Variants in PDE1C observed in about 807,000 individuals in gnomAD.
The protein encoded by PDE1C is dual specificity calcium/calmodulin-dependent 3',5'-cyclic nucleotide phosphodiesterase 1C.
Under a neutral mutation model 93.1 loss-of-function variants are expected in PDE1C, and 62 were observed. The ratio of observed to expected loss-of-function variants is 0.67; its 90% CI spans 0.54 to 0.82. PDE1C has a LOEUF of 0.82. Ranked by LOEUF, PDE1C falls within the 40% of genes least tolerant of loss-of-function variation. PDE1C has a pLI of 0.00. For missense variants in PDE1C, 742 were observed against 884.6 expected, an observed-to-expected ratio of 0.84 and a Z score of 2.04; for synonymous variants, 325 against 310.1, an observed-to-expected ratio of 1.05 and a Z score of -0.50.
intron 2 of PDE1C, among the ~76,000 whole-genome samples, chr7:31,907,788 C>T (rs1049407045): frequency 1.3e-5 from 2 of 152,030 alleles, no homozygotes; most frequent in African/African-American, 4.8e-5. Flanking sequence ...GAGTTAACTT[C>T]TCTGTGCAGA....
At chr7:32,244,400 G>A (rs962721074) in intron 1 of PDE1C, among the ~76,000 whole-genome samples, 1 of 152,172 alleles carries the variant, frequency 6.6e-6, no homozygotes, top group African/African-American at 2.4e-5. Context: ...AGCACTCTCA[G>A]TATTCCAGAA....
chr7:31,626,167 T>C, the PDE1C span, among the ~76,000 whole-genome samples: 22 of 152,346 alleles, frequency 1.4e-4, 2 homozygotes, highest in South Asian at 4.6e-3. Context: ...TGTGACTATG[T>C]GTATGCATCT....
At chr7:31,957,781 C>CGGGA (rs947466275) in intron 2 of PDE1C, among the ~76,000 whole-genome samples, 1 of 151,904 alleles carries the variant, frequency 6.6e-6, no homozygotes, top group Non-Finnish European at 1.5e-5. Flanking sequence ...GGAATGGGGT[C>CGGGA]GGGAGGGTGT....
intron 2 of PDE1C, among the ~76,000 whole-genome samples, chr7:32,181,205 T>G (rs997859499): frequency 4.6e-5 from 7 of 152,056 alleles, no homozygotes; most frequent in African/African-American, 1.7e-4. Context: ...AACGGGAGAC[T>G]TTAACACCCC....
At chr7:31,925,805 C>A (rs1256735001) in intron 2 of PDE1C, among the ~76,000 whole-genome samples, 1 of 151,932 alleles carries the variant, frequency 6.6e-6, no homozygotes, top group Non-Finnish European at 1.5e-5. Flanking sequence ...CCTAATTTTC[C>A]CCAATTTTAA....
intron 1 of PDE1C, among the ~76,000 whole-genome samples, chr7:32,311,248 G>T (rs1042440347): frequency 2.6e-5 from 4 of 152,220 alleles, no homozygotes; most frequent in African/African-American, 9.6e-5. Flanking sequence ...CTCTGAAATT[G>T]TGGCAATAAT....
At chr7:32,408,447 G>C (rs1403369475) in intron 1 of PDE1C, among the ~76,000 whole-genome samples, 1 of 152,208 alleles carries the variant, frequency 6.6e-6, no homozygotes, top group Non-Finnish European at 1.5e-5. Context: ...TAAATATCTG[G>C]TGGTGGAGCT....
At chr7:32,413,846 A>G (rs1785220985) in intron 1 of PDE1C, among the ~76,000 whole-genome samples, 1 of 152,246 alleles carries the variant, frequency 6.6e-6, no homozygotes, top group African/African-American at 2.4e-5. Flanking sequence ...ACTATGTCTC[A>G]GAATCCAGGG....
At chr7:31,748,307 C>G (rs1794048520), downstream of PDE1C, among the ~76,000 whole-genome samples, 1 of 152,024 alleles carries the variant, frequency 6.6e-6, no homozygotes, top group Non-Finnish European at 1.5e-5. Context: ...CTTTCTTTAC[C>G]TAGTGAGTCA....
chr7:31,985,701 C>T (rs900482139), intron 2 of PDE1C, among the ~76,000 whole-genome samples: 2 of 151,918 alleles, frequency 1.3e-5, no homozygotes, highest in Admixed American at 6.6e-5. Context: ...GATAGTTTGC[C>T]GAGAATGATG....
chr7:31,819,976 G>A (rs951827911), intron 14 of PDE1C, among the ~76,000 whole-genome samples: 1 of 152,106 alleles, frequency 6.6e-6, no homozygotes, highest in Non-Finnish European at 1.5e-5. Flanking sequence ...AGACATTTAA[G>A]AACATAGAAG....
chr7:31,830,062 G>A (rs995562291), intron 11 of PDE1C, among the ~76,000 whole-genome samples: 14 of 151,908 alleles, frequency 9.2e-5, no homozygotes, highest in East Asian at 3.9e-4. Flanking sequence ...CTAATTCCAC[G>A]AACTTGTCTA....
At chr7:31,808,081 A>T in intron 16 of PDE1C, among the ~76,000 whole-genome samples, 1 of 152,068 alleles carries the variant, frequency 6.6e-6, no homozygotes, top group Non-Finnish European at 1.5e-5. Context: ...TTAGGGCTGA[A>T]AGCTAAAGGG....
exon 1 of PDE1C, chr7:32,299,035 C>A: frequency 4.2e-6 from 5 of 1,191,626 alleles, no homozygotes; most frequent in Non-Finnish European, 5.2e-6. Flanking sequence ...CGCGCCCGAG[C>A]GCGTGGACGG....
At chr7:32,286,488 G>T (rs536130653) in intron 1 of PDE1C, among the ~76,000 whole-genome samples, 1 of 152,342 alleles carries the variant, frequency 6.6e-6, no homozygotes, top group African/African-American at 2.4e-5. Flanking sequence ...CATGGTGTGT[G>T]GAAGGGGTGT....
chr7:31,765,994 C>T lies in PDE1C; in HGVS notation c.1960+9670G>A, dbSNP rs536664330. ...AATCTGTGAAATAGAAATAATAGTA[C>T]CTCCCTTAGAGGGTTATTGTGAGGA... On this transcript the variant is annotated intron_variant, in intron 17 of 17. Coordinates refer to ENST00000396191, the MANE Select transcript of PDE1C (RefSeq NM_001191057.4). Among the ~76,000 whole-genome samples, 9 of 152,274 alleles carry T rather than the reference C, an allele frequency of 5.9e-5. No individual in the cohort carries two copies. The East Asian group carries it at 1.5e-3, about 26-fold the overall frequency.
intron 2 of PDE1C, among the ~76,000 whole-genome samples, chr7:31,913,235 T>A (rs905146659): frequency 2.0e-4 from 31 of 152,192 alleles, no homozygotes; most frequent in Non-Finnish European, 3.8e-4. Flanking sequence ...AAGGGCCTGT[T>A]TCAAGTTCCA....
intron 1 of PDE1C, chr7:32,052,182 T>C: frequency 2.5e-6 from 1 of 407,788 alleles, no homozygotes; most frequent in Non-Finnish European, 5.0e-6. Context: ...AAGGGGACAA[T>C]GAGAAAGTCT....
At chr7:32,055,606 C>T (rs1007721302) in intron 1 of PDE1C, among the ~76,000 whole-genome samples, 2 of 152,048 alleles carry the variant, frequency 1.3e-5, no homozygotes, top group African/African-American at 2.4e-5. Flanking sequence ...ATTCTGTCCA[C>T]CAAAATGCAG....
Sources: allele counts gnomAD v4.1 joint callset (sites outside exome capture counted in the v4.1 genomes callset), GRCh38; gene constraint gnomAD v4.1.1; transcripts MANE v1.5; gene names NCBI Gene and HGNC (gene_info 2026-07-23, HGNC 2026-07-21).